Variants in IDS observed in about 807,000 individuals in gnomAD.
IDS encodes the protein iduronate 2-sulfatase.
IDS carries 1 observed loss-of-function variant against 33.5 expected under a neutral mutation model. The ratio of observed to expected loss-of-function variants is 0.03; its 90% CI spans 0.01 to 0.14. The LOEUF is 0.14. Ranked by LOEUF, IDS falls within the 10% of genes least tolerant of loss-of-function variation. The probability of loss-of-function intolerance (pLI) is 1.00; values close to 1 mark genes in which losing one functional copy is unlikely to be tolerated. For synonymous variants in IDS, 191 were observed against 184.4 expected (o/e 1.04, Z -0.29); for missense variants, 328 against 448.0 (o/e 0.73, Z 2.42).
chrX:149,498,423 G>A, intron 4 of IDS, 116 bp from the exon 5 acceptor site: 1 of 568,643 alleles, frequency 1.8e-6, no homozygotes, highest in Non-Finnish European at 2.8e-6. Flanking sequence ...TAGTCACTCA[G>A]ACTGAACAGA....
chrX:149,504,566 G>GA (rs2089508459), intron 1 of IDS, among the ~76,000 whole-genome samples: 1 of 110,247 alleles, frequency 9.1e-6, no homozygotes, highest in Non-Finnish European at 1.9e-5. Context: ...GATGAATTTA[G>GA]GAAAAAAAGA....
Position 149,496,450 on chromosome X carries a change from G to T in IDS, c.775C>A (p.Leu259Ile). The T allele has an allele frequency of 3.3e-6, 4 of 1,210,323 alleles. No individual in the cohort carries two copies. The highest frequency in any genetic ancestry group is 4.5e-6 in the Non-Finnish European group (4 of 894,159). The change falls in exon 6 of 9, where the codon CTA becomes ATA. Residue 259 changes from leucine to isoleucine, a missense_variant. Leu to Ile is a conservative substitution (Grantham distance 5). Transcript: ENST00000340855. Reference protein sequence around the residue: ...LAPDPEVPDGLPPVAYNPWMD... With the variant: ...LAPDPEVPDGIPPVAYNPWMD... ...CAGGGGTTGTAGGCCACAGGGGGTA[G>T]GCCATCAGGGACCTCGGGATCGGGG...
chrX:149,503,195 G>C (rs1219688801), intron 3 of IDS, 117 bp downstream of exon 3: 4 of 1,170,167 alleles, frequency 3.4e-6, no homozygotes, highest in Non-Finnish European at 4.6e-6. Flanking sequence ...ACTGACTAGC[G>C]AGGGACTCGC....
rs782445578 is a variant in IDS, at chrX:149,499,570, C to A, written c.508-1263G>T. 1.4e-4 allele frequency among the ~76,000 whole-genome samples: 15 copies of A among 110,920 alleles called. No homozygotes were observed. The South Asian group carries it at 5.7e-3, about 42-fold the overall frequency. On this transcript the variant is annotated intron_variant, in intron 4 of 8. Transcript: ENST00000340855. ...GGTGCTGAGACAAAATGAGGAACGACTGGTAATGGGTACAGGGTTTCTTTT... is the reference window on the plus strand; with the variant it reads ...GGTGCTGAGACAAAATGAGGAACGAATGGTAATGGGTACAGGGTTTCTTTT...
chrX:149,490,458 A>T lies in IDS; in HGVS notation c.880-18T>A, dbSNP rs1557338613. On this transcript the variant is annotated intron_variant, in intron 6 of 8. Transcript: ENST00000340855. ...ATTTTCCGCTGCAAATTGAAAAAAA[A>T]TAAAAATGAGAGTGACTGCAATTTA... The T allele has an allele frequency of 8.3e-7, 1 of 1,207,589 alleles. No individual in the cohort carries two copies. The highest frequency in any genetic ancestry group is 1.1e-6 in the Non-Finnish European group (1 of 893,216).
At chrX:149,494,439 G>A (rs1371147358) in intron 6 of IDS, among the ~76,000 whole-genome samples, 1 of 112,019 alleles carries the variant, frequency 8.9e-6, no homozygotes, top group Admixed American at 9.4e-5. Flanking sequence ...AAACTCCTGA[G>A]TGTGGCCCCT....
At chrX:149,504,744 G>C (rs1240998884) in intron 1 of IDS, among the ~76,000 whole-genome samples, 1 of 102,754 alleles carries the variant, frequency 9.7e-6, no homozygotes, top group Non-Finnish European at 2.0e-5. Flanking sequence ...AGGAAAGGAG[G>C]GGGAAAGATG....
intron 7 of IDS, chrX:149,487,428 GC>G: frequency 3.7e-6 from 2 of 540,225 alleles, no homozygotes; most frequent in Non-Finnish European, 6.4e-6. Context: ...TTCCTCCCCT[GC>G]TAAGACATGC....
chrX:149,490,500 A>C, intron 6 of IDS, 60 bp from the exon 7 acceptor site: 6 of 1,127,033 alleles, frequency 5.3e-6, no homozygotes, highest in Non-Finnish European at 7.3e-6. Flanking sequence ...CAAGGCATAC[A>C]GAGATAATGC....
chrX:149,490,143 C>T (rs781785365), intron 7 of IDS, among the ~76,000 whole-genome samples, 171 bp downstream of exon 7: 1 of 100,630 alleles, frequency 9.9e-6, no homozygotes, highest in Non-Finnish European at 2.0e-5. Flanking sequence ...AGACAGAGGT[C>T]TCAGGACTAA....
rs71753099 is a variant in IDS, at chrX:149,482,521, T to TA, written c.*224dup. The TA allele has an allele frequency of 7.8e-3, 3,106 of 397,703 alleles. 8 individuals carry two copies. The highest frequency in any genetic ancestry group is 0.021 in the African/African-American group (816 of 38,067). 32.8% of individuals were successfully genotyped at this position (397,703 alleles called of 1,213,427 possible). A position where few individuals can be genotyped will look rare whatever the true frequency, so the allele number is the denominator to read the frequency against. On this transcript the variant is annotated 3_prime_UTR_variant, in exon 9 of 9. Transcript: ENST00000340855. Reference sequence around the variant, plus strand: ...GTAACTGTTTTAAAAAGAGGGAAATTAAAAAAAAAACTGGTCCAATTACCA... The same window carrying TA: ...GTAACTGTTTTAAAAAGAGGGAAATTAAAAAAAAAAACTGGTCCAATTACCA...
At chrX:149,484,163 C>T (rs782348447) in intron 8 of IDS, among the ~76,000 whole-genome samples, 8 of 112,253 alleles carry the variant, frequency 7.1e-5, no homozygotes, top group Non-Finnish European at 1.3e-4. Context: ...TGGATATATA[C>T]CTAGGAGTGG....
Position 149,480,745 on chromosome X carries a change from G to T in IDS, c.*2001C>A, listed in dbSNP as rs782382293. 187 of 130,949 alleles carry T rather than the reference G, an allele frequency of 1.4e-3. 1 individual carries two copies. The highest frequency in any genetic ancestry group is 2.5e-3 in the Non-Finnish European group (163 of 65,233). The allele number at this position is 130,949 out of a possible 1,213,427, so 10.8% of individuals were successfully genotyped here. ...TCCGCCTGCCTGGGCCTCCCAAAGTGCTGGGATTACAGGTGTGAGCCACCG... is the reference window on the plus strand; with the variant it reads ...TCCGCCTGCCTGGGCCTCCCAAAGTTCTGGGATTACAGGTGTGAGCCACCG... On this transcript the variant is annotated 3_prime_UTR_variant, in exon 9 of 9. Coordinates refer to ENST00000340855, the MANE Select transcript of IDS (RefSeq NM_000202.8).
rs1288463242 is a variant in IDS at position 149,478,644 on chromosome X, G to GTC, written c.*4100_*4101dup. ...ATATACAAATGTCAGCAGTGGGTAT[G>GTC]TCTCAAATGCTGGGCTTCTTTTCAT... On this transcript the variant is annotated 3_prime_UTR_variant, in exon 9 of 9. Transcript: ENST00000340855. The GTC allele has an allele frequency of 8.9e-6, 1 of 112,733 alleles. No individual in the cohort carries two copies. Among genetic ancestry groups the GTC allele is most frequent in the Non-Finnish European group, 1.9e-5 (1 of 53,362 alleles). The allele number at this position is 112,733 out of a possible 1,213,427, so 9.3% of individuals were successfully genotyped here.
At chrX:149,489,834 G>A (rs1181375985) in intron 7 of IDS, among the ~76,000 whole-genome samples, 1 of 110,907 alleles carries the variant, frequency 9.0e-6, no homozygotes, top group Admixed American at 9.6e-5. Flanking sequence ...TTTTGGAAAA[G>A]TAGGAAACAG....
At chrX:149,504,091 C>G (rs782581295) in intron 2 of IDS, 66 bp downstream of exon 2, 98 of 1,067,459 alleles carry the variant, frequency 9.2e-5, no homozygotes, top group Non-Finnish European at 1.2e-4. Flanking sequence ...ATAGCTGAAG[C>G]TCCCCGCCCC....
chrX:149,495,464 G>A (rs1359498645), intron 6 of IDS: 3 of 90,027 alleles, frequency 3.3e-5, no homozygotes, highest in African/African-American at 1.2e-4. Context: ...ATCACCTGGT[G>A]TGCTTTTTTT....
chrX:149,488,792 G>T (rs1407935953), intron 7 of IDS, among the ~76,000 whole-genome samples: 1 of 111,699 alleles, frequency 9.0e-6, no homozygotes, highest in Non-Finnish European at 1.9e-5. Flanking sequence ...GGGCCCCAAG[G>T]ATCCATCTCC....
intron 8 of IDS, among the ~76,000 whole-genome samples, chrX:149,484,925 C>G (rs1027226903): frequency 1.8e-5 from 2 of 112,093 alleles, no homozygotes; most frequent in Middle Eastern, 4.6e-3. Context: ...AGCTCTTCAA[C>G]CGAGTGTTCA....
Sources: gnomAD v4.1 joint callset for allele counts (sites outside exome capture counted in the v4.1 genomes callset) on GRCh38, gnomAD v4.1.1 for gene constraint, MANE v1.5 for transcripts, NCBI Gene and HGNC (gene_info 2026-07-23, HGNC 2026-07-21) for gene names.